TTC29: variants seen among roughly 807,000 people sequenced by gnomAD.
The protein encoded by TTC29 is tetratricopeptide repeat protein 29.
A neutral mutation model predicts 58.1 loss-of-function variants in TTC29; 49 were observed. That is an observed-to-expected ratio of 0.84 (90% confidence interval 0.67 to 1.07). The LOEUF (loss-of-function observed/expected upper bound fraction) is 1.07, where lower values mean the gene tolerates loss of function less well. Ranked by LOEUF, TTC29 falls within the 50% of genes least tolerant of loss-of-function variation. The pLI, the probability that TTC29 is intolerant of heterozygous loss-of-function variation, is 0.00. For missense variants in TTC29, 582 were observed against 555.6 expected (o/e 1.05, Z -0.48); for synonymous variants, 209 against 196.8 (o/e 1.06, Z -0.52).
At chr4:146,722,849 C>T (rs183127714) in intron 11 of TTC29, among the ~76,000 whole-genome samples, 32 of 152,162 alleles carry the variant, frequency 2.1e-4, no homozygotes, top group Non-Finnish European at 3.7e-4. Context: ...AGGTATGCAC[C>T]GCCATACCCT....
At chr4:146,822,851 A>T (rs570893296) in intron 9 of TTC29, among the ~76,000 whole-genome samples, 5 of 152,254 alleles carry the variant, frequency 3.3e-5, no homozygotes, top group Admixed American at 3.3e-4. Context: ...TTCTCTGAAG[A>T]TCAGTGATGT....
chr4:146,871,837 T>C (rs1404280401), intron 7 of TTC29, among the ~76,000 whole-genome samples: 1 of 151,968 alleles, frequency 6.6e-6, no homozygotes, highest in African/African-American at 2.4e-5. Flanking sequence ...CTAAATTGAT[T>C]GACAGATTCA....
intron 10 of TTC29, among the ~76,000 whole-genome samples, chr4:146,808,930 A>T (rs1393062067): frequency 3.3e-5 from 5 of 152,122 alleles, no homozygotes; most frequent in African/African-American, 1.2e-4. Context: ...TATAGCCAAG[A>T]CAATCCTAAG....
intron 4 of TTC29, among the ~76,000 whole-genome samples, chr4:146,915,721 A>C (rs1225955171): frequency 1.3e-5 from 2 of 152,030 alleles, no homozygotes; most frequent in Non-Finnish European, 1.5e-5. Context: ...TGAATTTTTA[A>C]AATCAAAGGC....
chr4:146,934,896 A>T (rs1052157540), intron 4 of TTC29, among the ~76,000 whole-genome samples: 12 of 152,156 alleles, frequency 7.9e-5, no homozygotes, highest in African/African-American at 2.7e-4. Context: ...TTCAGTAAGT[A>T]TGGGGGCTGG....
At chr4:146,772,482 A>T (rs549621158) in intron 11 of TTC29, among the ~76,000 whole-genome samples, 2 of 152,262 alleles carry the variant, frequency 1.3e-5, no homozygotes, top group South Asian at 4.1e-4. Flanking sequence ...CATTTAGTGA[A>T]CAGGGAATTC....
intron 6 of TTC29, among the ~76,000 whole-genome samples, chr4:146,890,519 T>C (rs905179906): frequency 2.6e-5 from 4 of 152,224 alleles, no homozygotes; most frequent in Admixed American, 6.5e-5. Context: ...CGGTTACAAG[T>C]GAGGTGCACC....
chr4:146,853,618 A>G (rs1409154661), intron 8 of TTC29, among the ~76,000 whole-genome samples: 3 of 152,156 alleles, frequency 2.0e-5, no homozygotes, highest in Non-Finnish European at 1.5e-5. Context: ...TTTATGAACA[A>G]TATTACAGCT....
chr4:146,859,800 G>A (rs1217118359), intron 8 of TTC29, among the ~76,000 whole-genome samples: 1 of 152,114 alleles, frequency 6.6e-6, no homozygotes, highest in Non-Finnish European at 1.5e-5. Flanking sequence ...TTAAAAGTTA[G>A]AGAAATAGAA....
chr4:146,707,592 A>T (rs1742065648), intron 11 of TTC29, 41 bp from the exon 12 acceptor site: 2 of 1,403,670 alleles, frequency 1.4e-6, no homozygotes, highest in South Asian at 1.2e-5. Flanking sequence ...TATCATGAAC[A>T]CAGTTTATAG....
intron 8 of TTC29, among the ~76,000 whole-genome samples, chr4:146,834,553 G>C (rs1728380966): frequency 6.6e-6 from 1 of 152,022 alleles, no homozygotes; most frequent in Non-Finnish European, 1.5e-5. Flanking sequence ...ATGGCCCGAA[G>C]GAGAAAAATA....
At chr4:146,769,284 G>T (rs1275572600) in intron 11 of TTC29, among the ~76,000 whole-genome samples, 1 of 151,752 alleles carries the variant, frequency 6.6e-6, no homozygotes, top group Non-Finnish European at 1.5e-5. Context: ...TTTCCTTTTA[G>T]ACAAACACTG....
chr4:146,857,941 G>T (rs186280366), intron 8 of TTC29, among the ~76,000 whole-genome samples: 5 of 152,038 alleles, frequency 3.3e-5, no homozygotes, highest in African/African-American at 1.2e-4. Flanking sequence ...ATAAATTTAG[G>T]TACTACGTAA....
chr4:146,780,067 T>C (rs903167571), intron 11 of TTC29, among the ~76,000 whole-genome samples: 1 of 152,172 alleles, frequency 6.6e-6, no homozygotes, highest in Non-Finnish European at 1.5e-5. Flanking sequence ...GTCTTATAAT[T>C]TGAAAGATTT....
At chr4:146,820,336 A>G (rs2150140287) in intron 9 of TTC29, 88 bp from the exon 10 acceptor site, 2 of 1,403,220 alleles carry the variant, frequency 1.4e-6, no homozygotes, top group East Asian at 4.8e-5. Context: ...TTGCTGTAGA[A>G]AATGCAAGAT....
At chr4:146,921,800 G>C (rs1734598181) in intron 4 of TTC29, among the ~76,000 whole-genome samples, 1 of 150,894 alleles carries the variant, frequency 6.6e-6, no homozygotes, top group South Asian at 2.1e-4. Flanking sequence ...CTAATATTTA[G>C]ATTCTGAGAG....
chr4:146,719,005 A>G (rs143583718), intron 11 of TTC29, among the ~76,000 whole-genome samples: 198 of 152,236 alleles, frequency 1.3e-3, no homozygotes, highest in African/African-American at 4.6e-3. Flanking sequence ...TTGAAAATCA[A>G]TTGACCATAC....
chr4:146,725,113 G>A (rs1363898529), intron 11 of TTC29, among the ~76,000 whole-genome samples: 3 of 152,182 alleles, frequency 2.0e-5, no homozygotes, highest in Admixed American at 6.5e-5. Context: ...CGATTGCACT[G>A]TGGTAGGGAC....
intron 11 of TTC29, among the ~76,000 whole-genome samples, chr4:146,733,386 A>G (rs541862442): frequency 1.3e-5 from 2 of 152,246 alleles, no homozygotes; most frequent in South Asian, 4.1e-4. Context: ...TACTTCTGTA[A>G]GTATATGATA....
Sources: gnomAD v4.1 joint callset for allele counts (sites outside exome capture counted in the v4.1 genomes callset) on GRCh38, gnomAD v4.1.1 for gene constraint, MANE v1.5 for transcripts, NCBI Gene and HGNC (gene_info 2026-07-23, HGNC 2026-07-21) for gene names.